Variants in ADAMTS18 observed in about 807,000 individuals in gnomAD.
ADAMTS18 encodes the protein ADAM metallopeptidase with thrombospondin type 1 motif 18.
In ADAMTS18, 157 loss-of-function variants were observed where a neutral mutation model predicts 165.9. The ratio of observed to expected loss-of-function variants is 0.95; its 90% confidence interval spans 0.83 to 1.08. The LOEUF (loss-of-function observed/expected upper bound fraction) is 1.08. Ranked by LOEUF, ADAMTS18 falls within the 50% of genes least tolerant of loss-of-function variation. The pLI is 0.00. For missense variants in ADAMTS18, 2,040 were observed against 1,534.0 expected, an observed-to-expected ratio of 1.33 and a Z score of -5.51; for synonymous variants, 782 against 578.2, an observed-to-expected ratio of 1.35 and a Z score of -5.06.
intron 3 of ADAMTS18, among the ~76,000 whole-genome samples, chr16:77,375,713 G>A (rs1332612795): frequency 6.6e-6 from 1 of 152,138 alleles, no homozygotes; most frequent in African/African-American, 2.4e-5. Context: ...TGGATTCATC[G>A]TTCTCTCATT....
intron 12 of ADAMTS18, among the ~76,000 whole-genome samples, chr16:77,330,538 C>A (rs1358935888): frequency 1.3e-5 from 2 of 152,160 alleles, no homozygotes; most frequent in African/African-American, 4.8e-5. Context: ...GGTTTCAACT[C>A]ACGTGTCAGT....
intron 10 of ADAMTS18, among the ~76,000 whole-genome samples, chr16:77,346,911 T>G (rs1390537515): frequency 6.6e-6 from 1 of 152,178 alleles, no homozygotes; most frequent in Admixed American, 6.5e-5. Flanking sequence ...CACCACCACA[T>G]TCAAGGCAGA....
At chr16:77,284,464 C>T (rs937836436) in intron 22 of ADAMTS18, among the ~76,000 whole-genome samples, 1 of 152,082 alleles carries the variant, frequency 6.6e-6, no homozygotes, top group Admixed American at 6.5e-5. Flanking sequence ...TTAATATTAA[C>T]ATAGCACCTT....
intron 16 of ADAMTS18, among the ~76,000 whole-genome samples, chr16:77,318,512 G>T (rs981857243): frequency 3.3e-5 from 5 of 152,148 alleles, no homozygotes; most frequent in Admixed American, 6.6e-5. Context: ...ACCTTCCTAA[G>T]GTGGTTGTGG....
intron 3 of ADAMTS18, among the ~76,000 whole-genome samples, chr16:77,393,077 T>C (rs2057210899): frequency 6.6e-6 from 1 of 152,162 alleles, no homozygotes; most frequent in Non-Finnish European, 1.5e-5. Context: ...GTCAGCTGCA[T>C]TTTGATGAAT....
chr16:77,324,767 A>C (rs1335584746), intron 13 of ADAMTS18, among the ~76,000 whole-genome samples: 1 of 152,216 alleles, frequency 6.6e-6, no homozygotes, highest in East Asian at 1.9e-4. Flanking sequence ...ATTTGAAATA[A>C]ATTGAACATC....
intron 16 of ADAMTS18, among the ~76,000 whole-genome samples, chr16:77,308,684 G>T (rs562371674): frequency 6.6e-6 from 1 of 151,770 alleles, no homozygotes; most frequent in East Asian, 1.9e-4. Context: ...AAAGGACAAA[G>T]TCAGTGACCT....
chr16:77,308,749 C>A (rs1327708321), intron 16 of ADAMTS18, among the ~76,000 whole-genome samples: 2 of 152,156 alleles, frequency 1.3e-5, no homozygotes, highest in Admixed American at 1.3e-4. Context: ...CAGGCATACT[C>A]AAAAAGCCCA....
At chr16:77,285,831 C>A (rs1048721857) in intron 22 of ADAMTS18, among the ~76,000 whole-genome samples, 1 of 152,160 alleles carries the variant, frequency 6.6e-6, no homozygotes, top group African/African-American at 2.4e-5. Context: ...CACCCAGCAT[C>A]CAACCTCTTC....
In ADAMTS18 at chr16:77,392,997, A is replaced by G. The variant is rs780459976; in HGVS notation, c.496-25274T>C. ...GAAAATGTAGGCAGTAAAGAAAAAA[A>G]AAGGACCCAGAATCAGGAATCGATG... On this transcript the variant is annotated intron_variant, in intron 3 of 22. Coordinates refer to ENST00000282849, the MANE Select transcript of ADAMTS18 (RefSeq NM_199355.4). Among the ~76,000 whole-genome samples the G allele has an allele frequency of 2.9e-4, 44 of 152,334 alleles. No individual in the cohort carries two copies. In the Middle Eastern group the frequency reaches 0.014, roughly 47 times the overall value.
At chr16:77,303,617 C>T (rs969633077) in intron 16 of ADAMTS18, among the ~76,000 whole-genome samples, 1 of 124,144 alleles carries the variant, frequency 8.1e-6, no homozygotes, top group South Asian at 2.9e-4. Flanking sequence ...CTTGTGACCT[C>T]CACGGTCAAG....
chr16:77,411,414 G>C (rs963927098), intron 3 of ADAMTS18, among the ~76,000 whole-genome samples: 1 of 152,156 alleles, frequency 6.6e-6, no homozygotes, highest in Non-Finnish European at 1.5e-5. Context: ...CTTGGCGCTT[G>C]AGACATATTT....
At chr16:77,302,004 C>CTTTTTT (rs4038557) in intron 16 of ADAMTS18, among the ~76,000 whole-genome samples, 4 of 128,792 alleles carry the variant, frequency 3.1e-5, no homozygotes, top group East Asian at 2.4e-4. Flanking sequence ...CTAGTCTTTG[C>CTTTTTT]TTTTTTTTTT....
At chr16:77,405,613 C>G (rs1002298496) in intron 3 of ADAMTS18, among the ~76,000 whole-genome samples, 2 of 152,308 alleles carry the variant, frequency 1.3e-5, no homozygotes, top group Non-Finnish European at 2.9e-5. Context: ...TCTGCCAGGA[C>G]TTTCCTAACA....
chr16:77,400,267 C>A (rs2057308339), intron 3 of ADAMTS18, among the ~76,000 whole-genome samples: 2 of 152,126 alleles, frequency 1.3e-5, no homozygotes, highest in Admixed American at 6.5e-5. Context: ...CTAGAGCCAG[C>A]ATTACATATC....
chr16:77,285,940 A>G (rs371576429), intron 22 of ADAMTS18, among the ~76,000 whole-genome samples: 1 of 152,134 alleles, frequency 6.6e-6, no homozygotes, highest in East Asian at 1.9e-4. Flanking sequence ...CTTTCACCTT[A>G]ACTGCCAGTA....
chr16:77,380,898 G>C (rs1286142070), intron 3 of ADAMTS18, among the ~76,000 whole-genome samples: 1 of 151,986 alleles, frequency 6.6e-6, no homozygotes, highest in Admixed American at 6.6e-5. Context: ...TATTGAGACA[G>C]GGTCTTGCTC....
intron 11 of ADAMTS18, among the ~76,000 whole-genome samples, chr16:77,339,652 C>T (rs569809300): frequency 6.6e-6 from 1 of 150,888 alleles, no homozygotes; most frequent in East Asian, 1.9e-4. Context: ...GTTGTGATGC[C>T]TCAAAAGTAA....
At chr16:77,403,141 G>A (rs867549844) in intron 3 of ADAMTS18, among the ~76,000 whole-genome samples, 1 of 152,232 alleles carries the variant, frequency 6.6e-6, no homozygotes, top group East Asian at 1.9e-4. Flanking sequence ...TGTAGTTAAG[G>A]CAACTGATGC....
Sources: gnomAD v4.1 joint callset for allele counts (sites outside exome capture counted in the v4.1 genomes callset) on GRCh38, gnomAD v4.1.1 for gene constraint, MANE v1.5 for transcripts, NCBI Gene and HGNC (gene_info 2026-07-23, HGNC 2026-07-21) for gene names.